Variants in STAC observed in about 807,000 individuals in gnomAD.
STAC encodes the protein SH3 and cysteine-rich domain-containing protein.
Under a neutral mutation model 48.8 loss-of-function variants are expected in STAC, and 43 were observed. That is an observed-to-expected ratio of 0.88 (90% CI 0.69 to 1.14). The LOEUF (loss-of-function observed/expected upper bound fraction) is 1.14. Among genes scored for constraint, STAC ranks in the 50% most tolerant of loss-of-function variants. The pLI is 0.00. For missense variants in STAC, 497 were observed against 504.0 expected (o/e 0.99, Z 0.13); for synonymous variants, 193 against 179.5 (o/e 1.07, Z -0.60).
intron 10 of STAC, 146 bp from the exon 11 acceptor site, chr3:36,546,045 T>C (rs1004082041): frequency 1.3e-5 from 8 of 629,628 alleles, no homozygotes; most frequent in South Asian, 2.0e-5. Flanking sequence ...TTTTTCTCAC[T>C]GTGCTGGTTT....
intron 8 of STAC, among the ~76,000 whole-genome samples, chr3:36,507,867 C>A (rs530775781): frequency 6.6e-6 from 1 of 152,210 alleles, no homozygotes; most frequent in Admixed American, 6.5e-5. Flanking sequence ...TTCAAAAAAA[C>A]CAGCTCCTGG....
chr3:36,463,981 G>A (rs534094138), intron 2 of STAC, among the ~76,000 whole-genome samples: 52 of 152,126 alleles, frequency 3.4e-4, no homozygotes, highest in African/African-American at 1.2e-3. Context: ...GTAAACATAC[G>A]TGTGCATGTG....
chr3:36,515,971 TCTC>T (rs1243846097), intron 8 of STAC, among the ~76,000 whole-genome samples: 3 of 142,688 alleles, frequency 2.1e-5, no homozygotes, highest in African/African-American at 5.2e-5. Flanking sequence ...TTTTCATTTT[TCTC>T]CTTTTTTTTT....
chr3:36,428,585 C>CA (rs143688925), intron 1 of STAC, among the ~76,000 whole-genome samples: 3,532 of 152,104 alleles, frequency 0.023, 59 homozygotes, highest in Non-Finnish European at 0.026. Context: ...GCACAGGGAT[C>CA]GGGGAAGTCT....
intron 8 of STAC, among the ~76,000 whole-genome samples, chr3:36,521,680 A>G (rs1698810554): frequency 6.6e-6 from 1 of 152,220 alleles, no homozygotes. Context: ...AAACCTAATG[A>G]GACATAAACG....
At chr3:36,449,167 G>T (rs1007218150) in intron 2 of STAC, among the ~76,000 whole-genome samples, 1 of 151,982 alleles carries the variant, frequency 6.6e-6, no homozygotes, top group Non-Finnish European at 1.5e-5. Flanking sequence ...ATTAGAGGAG[G>T]GGATAAACTA....
intron 1 of STAC, among the ~76,000 whole-genome samples, chr3:36,404,434 A>G (rs1480109979): frequency 6.6e-6 from 1 of 152,204 alleles, no homozygotes; most frequent in Admixed American, 6.5e-5. Flanking sequence ...GAGATAATAC[A>G]TGCAAAGCAC....
At chr3:36,515,495 G>A (rs1171430288) in intron 8 of STAC, among the ~76,000 whole-genome samples, 3 of 152,060 alleles carry the variant, frequency 2.0e-5, no homozygotes, top group African/African-American at 7.2e-5. Context: ...GGAAGGTAAG[G>A]AGGAAAGAAA....
At chr3:36,434,089 T>C (rs73063837) in intron 1 of STAC, among the ~76,000 whole-genome samples, 3,550 of 152,256 alleles carry the variant, frequency 0.023, 60 homozygotes, top group East Asian at 0.026. Context: ...TCTCTGCCCA[T>C]TGAGTTCACA....
At position 36,443,787 on chromosome 3, in the gene STAC, C is replaced by T. The variant is rs943295510; in HGVS notation, c.388+147C>T. On this transcript the variant is annotated intron_variant, in intron 2 of 10. Coordinates refer to ENST00000273183, the MANE Select transcript of STAC (RefSeq NM_003149.3). This position sits in a 1 kb window ranked among gnomAD's most constrained non-coding sequence, Gnocchi z 4.2. The stretch of plus-strand genomic sequence containing the variant: ...GATCATTCAGGAGTGCTTTGGGGAA[C>T]AATATTTGTGAGAAGGTAAGGGAAG... The T allele has an allele frequency of 9.0e-7, 1 of 1,112,138 alleles. No homozygotes were observed. Among genetic ancestry groups the T allele is most frequent in the African/African-American group, 1.6e-5 (1 of 63,754 alleles). The allele number at this position is 1,112,138 out of a possible 1,614,324, so 68.9% of individuals were successfully genotyped here. A position where few individuals can be genotyped will look rare whatever the true frequency, so the allele number is the denominator to read the frequency against.
intron 10 of STAC, among the ~76,000 whole-genome samples, chr3:36,536,492 G>C (rs143279025): frequency 3.7e-4 from 57 of 152,160 alleles, no homozygotes; most frequent in African/African-American, 1.3e-3. Context: ...CCAAGCAATG[G>C]GGAAAGGAGT....
chr3:36,431,293 G>A (rs1342152283), intron 1 of STAC, among the ~76,000 whole-genome samples: 1 of 152,088 alleles, frequency 6.6e-6, no homozygotes, highest in Non-Finnish European at 1.5e-5. Context: ...AAACACCAGT[G>A]TGGTCCCTGG....
chr3:36,537,083 T>C (rs988614622), intron 10 of STAC, among the ~76,000 whole-genome samples: 5 of 152,172 alleles, frequency 3.3e-5, no homozygotes, highest in African/African-American at 1.2e-4. Context: ...ATAGGAATGC[T>C]TTTACACTGT....
chr3:36,430,398 A>T (rs1700672403), intron 1 of STAC, among the ~76,000 whole-genome samples: 1 of 152,216 alleles, frequency 6.6e-6, no homozygotes, highest in Admixed American at 6.5e-5. Context: ...ATTGGAGCTG[A>T]GACTTAGATA....
intron 1 of STAC, among the ~76,000 whole-genome samples, chr3:36,407,398 T>A (rs940451464): frequency 6.6e-6 from 1 of 152,228 alleles, no homozygotes; most frequent in Admixed American, 6.5e-5. Flanking sequence ...GCCCAGATCC[T>A]AATTAATTGG....
At chr3:36,502,038 C>T (rs1386643926) in intron 6 of STAC, among the ~76,000 whole-genome samples, 1 of 152,084 alleles carries the variant, frequency 6.6e-6, no homozygotes, top group Non-Finnish European at 1.5e-5. Flanking sequence ...TGCTGCATTA[C>T]TAGGTTAAAA....
intron 10 of STAC, among the ~76,000 whole-genome samples, chr3:36,530,580 C>CTTTTTTTTTTTTTCTTTTTTTTTTTT (rs775751742): frequency 9.7e-6 from 1 of 102,704 alleles, no homozygotes; most frequent in Non-Finnish European, 1.8e-5. Flanking sequence ...TTCACCTTTT[C>CTTTTTTTTTTTTTCTTTTTTTTTTTT]TTTTTTTTTT....
intron 1 of STAC, among the ~76,000 whole-genome samples, chr3:36,402,772 T>A (rs1329338482): frequency 4.0e-5 from 6 of 151,692 alleles, no homozygotes; most frequent in Non-Finnish European, 5.9e-5. Context: ...TTTGTGGGAG[T>A]CTCCATCCTG....
chr3:36,458,094 T>TG (rs1352354837), intron 2 of STAC, among the ~76,000 whole-genome samples: 2 of 152,170 alleles, frequency 1.3e-5, no homozygotes, highest in Admixed American at 1.3e-4. Context: ...AAGATGGCCC[T>TG]GGGGTCTTCA....
Sources: allele counts gnomAD v4.1 joint callset (sites outside exome capture counted in the v4.1 genomes callset), GRCh38; gene constraint gnomAD v4.1.1; non-coding constraint Gnocchi (gnomAD v3.1); transcripts MANE v1.5; gene names NCBI Gene and HGNC (gene_info 2026-07-23, HGNC 2026-07-21).